MERTK: variants seen among roughly 807,000 people sequenced by gnomAD.
MERTK encodes tyrosine-protein kinase Mer.
Under a neutral mutation model 99.3 loss-of-function variants are expected in MERTK, and 69 were observed. The observed-to-expected ratio is 0.70, with a 90% CI of 0.57 to 0.85. The LOEUF is 0.85. MERTK is among the 40% of genes least tolerant of loss of function. The pLI, the probability that MERTK is intolerant of heterozygous loss-of-function variation, is 0.00. For synonymous variants in MERTK, 426 were observed against 467.6 expected (o/e 0.91, Z 1.15); for missense variants, 1,125 against 1,249.4 (o/e 0.90, Z 1.50).
At chr2:112,008,333 CTTAA>C (rs1677026508) in intron 13 of MERTK, 46 bp from the exon 14 acceptor site, 1 of 1,437,606 alleles carries the variant, frequency 7.0e-7, no homozygotes, top group African/African-American at 1.4e-5. Context: ...ACCCACTCCC[CTTAA>C]TTGAGTAAAT....
intron 7 of MERTK, among the ~76,000 whole-genome samples, chr2:111,980,141 C>T (rs1676339529): frequency 1.3e-5 from 2 of 152,178 alleles, no homozygotes; most frequent in Admixed American, 1.3e-4. Context: ...AAAGAAGTGT[C>T]CTGCTCCAGG....
intron 18 of MERTK, among the ~76,000 whole-genome samples, chr2:112,023,485 A>G (rs1677400165): frequency 6.6e-6 from 1 of 152,182 alleles, no homozygotes; most frequent in African/African-American, 2.4e-5. Flanking sequence ...GACAGGAGAA[A>G]GAACTACCAG....
intron 18 of MERTK, chr2:112,024,754 C>T (rs570959531): frequency 6.6e-6 from 1 of 152,302 alleles, no homozygotes; most frequent in Admixed American, 6.5e-5. Context: ...CACAGTGAGA[C>T]CCCATCTCTA....
At chr2:111,978,364 T>C (rs1280375767) in intron 7 of MERTK, among the ~76,000 whole-genome samples, 1 of 152,126 alleles carries the variant, frequency 6.6e-6, no homozygotes, top group Non-Finnish European at 1.5e-5. Flanking sequence ...AGGCTGGTCT[T>C]GAACTCCTGA....
intron 8 of MERTK, among the ~76,000 whole-genome samples, chr2:111,992,033 G>T (rs2104396709): frequency 6.6e-6 from 1 of 152,154 alleles, no homozygotes. Flanking sequence ...CCCCAAGGCA[G>T]GGCTCTAATT....
intron 4 of MERTK, among the ~76,000 whole-genome samples, chr2:111,953,009 T>C (rs1685084846): frequency 6.6e-6 from 1 of 152,190 alleles, no homozygotes; most frequent in South Asian, 2.1e-4. Flanking sequence ...AGGCAGGAAC[T>C]GAAGGATTTT....
intron 2 of MERTK, among the ~76,000 whole-genome samples, chr2:111,944,427 G>GTTC (rs1684920658): frequency 5.3e-4 from 1 of 1,880 alleles, no homozygotes; most frequent in Non-Finnish European, 7.1e-4. Context: ...AGAGAAAGAG[G>GTTC]AATTATTTTA....
chr2:112,007,082 TAC>T (rs1676995312), intron 13 of MERTK, among the ~76,000 whole-genome samples: 2 of 152,182 alleles, frequency 1.3e-5, no homozygotes, highest in Non-Finnish European at 2.9e-5. Context: ...ATTTTAAGTG[TAC>T]AATTCAGTGG....
chr2:111,974,757 G>A (rs532308871), intron 6 of MERTK, among the ~76,000 whole-genome samples: 178 of 94,216 alleles, frequency 1.9e-3, no homozygotes, highest in African/African-American at 6.6e-3. Context: ...CAAAGAGAGC[G>A]AAGGTCCATC....
At chr2:111,963,616 A>G (rs985711323) in intron 4 of MERTK, among the ~76,000 whole-genome samples, 1 of 152,242 alleles carries the variant, frequency 6.6e-6, no homozygotes, top group Non-Finnish European at 1.5e-5. Flanking sequence ...CATCTTGCAC[A>G]GCCCTTAATC....
intron 13 of MERTK, 72 bp from the exon 14 acceptor site, chr2:112,008,311 C>T (rs1352747632): frequency 4.5e-6 from 5 of 1,117,758 alleles, no homozygotes; most frequent in Non-Finnish European, 4.1e-6. Context: ...GAGAACAGAA[C>T]TGCTGTTGCC....
intron 6 of MERTK, among the ~76,000 whole-genome samples, chr2:111,970,798 TCCCC>T (rs1244275514): frequency 2.9e-4 from 5 of 17,184 alleles, no homozygotes; most frequent in Non-Finnish European, 4.0e-4. Flanking sequence ...CTCCTCCTCC[TCCCC>T]CCTCCTCCTC....
intron 8 of MERTK, among the ~76,000 whole-genome samples, chr2:111,984,474 G>C (rs1053923856): frequency 5.9e-5 from 9 of 152,180 alleles, no homozygotes; most frequent in African/African-American, 2.2e-4. Flanking sequence ...TAACATGAGA[G>C]AAGGCACAAC....
rs369058555 is a variant in MERTK, at chr2:111,991,814, C to T, written c.1297-2437C>T. The stretch of plus-strand genomic sequence containing the variant: ...TCCCGGGGTCCTGGCTTATTACTCC[C>T]ATAGCCCTTGTTGTTTCCTAAGGGA... On this transcript the variant is annotated intron_variant, in intron 8 of 18. Coordinates refer to ENST00000295408, the MANE Select transcript of MERTK (RefSeq NM_006343.3). Among the ~76,000 whole-genome samples, 155 of 152,240 alleles carry T rather than the reference C, an allele frequency of 1.0e-3. 2 individuals are homozygous for T. Among genetic ancestry groups the T allele is most frequent in the African/African-American group, 3.5e-3 (145 of 41,526 alleles).
chr2:111,926,050 C>G (rs188222309), intron 1 of MERTK, among the ~76,000 whole-genome samples: 3,185 of 151,872 alleles, frequency 0.021, 56 homozygotes, highest in Middle Eastern at 0.068. Context: ...CCAGGATGGT[C>G]TCGATCTCCT....
chr2:111,979,237 T>A (rs1206899468), intron 7 of MERTK, among the ~76,000 whole-genome samples: 1 of 152,202 alleles, frequency 6.6e-6, no homozygotes, highest in African/African-American at 2.4e-5. Flanking sequence ...AACTTGCATA[T>A]CCTTATGTAA....
intron 1 of MERTK, among the ~76,000 whole-genome samples, chr2:111,924,817 G>A (rs1274346658): frequency 6.6e-6 from 1 of 151,916 alleles, no homozygotes; most frequent in African/African-American, 2.4e-5. Context: ...CACCACCTTT[G>A]ACCCTGGCAG....
intron 2 of MERTK, among the ~76,000 whole-genome samples, chr2:111,944,534 G>C (rs77958205): frequency 0.075 from 1,769 of 23,458 alleles, 9 homozygotes; most frequent in South Asian, 0.11. Context: ...TAAGGAATTA[G>C]CTCACACACA....
Position 111,994,354 on chromosome 2 carries a change from G to A in MERTK, c.1400G>A (p.Gly467Glu), listed in dbSNP as rs368219980. 3 of 1,614,176 alleles carry A rather than the reference G, an allele frequency of 1.9e-6. No homozygotes were observed. The highest frequency in any genetic ancestry group is 1.1e-5 in the South Asian group (1 of 91,080). The change falls in exon 9 of 19, where the codon GGG becomes GAG. Residue 467 changes from glycine to glutamate, a missense_variant. Coordinates refer to ENST00000295408, the MANE Select transcript of MERTK (RefSeq NM_006343.3). ...GTGAGGATTGCAGCCGTCACCAGAG[G>A]GGGAGTTGGGCCCTTCAGTGATCCA... ...CTVRIAAVTR[G>E]GVGPFSDPVK...
Sources: allele counts gnomAD v4.1 joint callset (sites outside exome capture counted in the v4.1 genomes callset), GRCh38; gene constraint gnomAD v4.1.1; transcripts MANE v1.5; gene names NCBI Gene and HGNC (gene_info 2026-07-23, HGNC 2026-07-21).